The following FZD3 variants were observed in gnomAD, a reference collection of about 807,000 sequenced individuals.
FZD3 encodes frizzled class receptor 3.
Under a neutral mutation model 60.7 loss-of-function variants are expected in FZD3, and 30 were observed. That is an observed-to-expected ratio of 0.49 (90% confidence interval 0.37 to 0.67). The LOEUF (loss-of-function observed/expected upper bound fraction) is 0.67. FZD3 is among the 30% of genes least tolerant of loss of function. The pLI, the probability that FZD3 is intolerant of heterozygous loss-of-function variation, is 0.00. For missense variants in FZD3, 605 were observed against 838.7 expected (o/e 0.72, Z 3.44); for synonymous variants, 246 against 275.2 (o/e 0.89, Z 1.05).
At chr8:28,551,459 T>G in intron 5 of FZD3, 144 bp from the exon 6 acceptor site, 1 of 586,416 alleles carries the variant, frequency 1.7e-6, no homozygotes, top group South Asian at 2.0e-5. Flanking sequence ...GAGGTTGCAG[T>G]GAGCCAAGAT....
rs372295263 is a variant in FZD3 at position 28,563,271 on chromosome 8, G to A, written c.*260G>A. The A allele has an allele frequency of 5.1e-5, 21 of 408,344 alleles. No homozygotes were observed. Among genetic ancestry groups the A allele is most frequent in the African/African-American group, 2.8e-4 (14 of 49,518 alleles). The allele number at this position is 408,344 out of a possible 1,614,324, so 25.3% of individuals were successfully genotyped here. Reference sequence around the variant, plus strand: ...GAAGAGATAATTATTTGTCTGGTAAGCATTTTTATAAACCCACTCATTTTA... The same window carrying A: ...GAAGAGATAATTATTTGTCTGGTAAACATTTTTATAAACCCACTCATTTTA... On this transcript the variant is annotated 3_prime_UTR_variant, in exon 8 of 8. Transcript: ENST00000240093.
chr8:28,569,542 T>C lies in FZD3; in HGVS notation c.*6531T>C, dbSNP rs1352016718. 5 of 152,282 alleles carry C rather than the reference T, an allele frequency of 3.3e-5. No homozygotes were observed. The highest frequency in any genetic ancestry group is 3.3e-4 in the Admixed American group (5 of 15,292). 9.4% of individuals were successfully genotyped at this position (152,282 alleles called of 1,614,324 possible). ...ATTATTTTGGTCTCATTTTTATTCTTCTTATTCATCCCATGAACTAGATCA... is the reference window on the plus strand; with the variant it reads ...ATTATTTTGGTCTCATTTTTATTCTCCTTATTCATCCCATGAACTAGATCA... On this transcript the variant is annotated 3_prime_UTR_variant, in exon 8 of 8. Coordinates refer to ENST00000240093, the MANE Select transcript of FZD3 (RefSeq NM_017412.4).
At chr8:28,526,266 T>C (rs971092379) in intron 4 of FZD3, among the ~76,000 whole-genome samples, 1 of 152,180 alleles carries the variant, frequency 6.6e-6, no homozygotes, top group African/African-American at 2.4e-5. Flanking sequence ...CCACAAGTCA[T>C]GCATACTTTA....
intron 5 of FZD3, among the ~76,000 whole-genome samples, chr8:28,529,371 A>G (rs1201314593): frequency 3.9e-5 from 6 of 152,168 alleles, no homozygotes; most frequent in Admixed American, 3.9e-4. Context: ...AAATACCTTT[A>G]TTGACGTACT....
At chr8:28,537,079 CA>C (rs1805035680) in intron 5 of FZD3, among the ~76,000 whole-genome samples, 1 of 152,020 alleles carries the variant, frequency 6.6e-6, no homozygotes, top group Non-Finnish European at 1.5e-5. Context: ...TTCCTAGGGC[CA>C]AACCTCAAAA....
intron 5 of FZD3, among the ~76,000 whole-genome samples, chr8:28,528,974 G>T (rs1804791291): frequency 6.6e-6 from 1 of 152,028 alleles, no homozygotes; most frequent in South Asian, 2.1e-4. Context: ...GAATGCAGTG[G>T]CATGATCATA....
intron 3 of FZD3, among the ~76,000 whole-genome samples, chr8:28,517,997 C>T (rs1023763042): frequency 2.0e-5 from 3 of 152,014 alleles, no homozygotes; most frequent in African/African-American, 7.3e-5. Flanking sequence ...AAAGATTAAT[C>T]CTCTTTTCTG....
intron 5 of FZD3, among the ~76,000 whole-genome samples, chr8:28,550,479 A>ATTTTT (rs1805385873): frequency 1.7e-5 from 1 of 59,164 alleles, no homozygotes; most frequent in African/African-American, 7.0e-5. Context: ...TTCTTCTTTT[A>ATTTTT]TCTTTTTTTT....
intron 4 of FZD3, among the ~76,000 whole-genome samples, chr8:28,524,515 A>T (rs1285384735): frequency 1.3e-5 from 2 of 152,172 alleles, no homozygotes; most frequent in African/African-American, 4.8e-5. Context: ...CTTCAACCTC[A>T]GCCTGTCCTT....
At chr8:28,551,258 G>A (rs930800594) in intron 5 of FZD3, among the ~76,000 whole-genome samples, 6 of 152,166 alleles carry the variant, frequency 3.9e-5, no homozygotes, top group South Asian at 2.1e-4. Context: ...TGGGCCAGGC[G>A]CAGTGGCTCA....
chr8:28,515,606 ACGCATTCCTTCCTTAC>A (rs1407236517), intron 3 of FZD3, among the ~76,000 whole-genome samples: 1 of 152,192 alleles, frequency 6.6e-6, no homozygotes, highest in African/African-American at 2.4e-5. Flanking sequence ...TGCTCACTTG[ACGCATTCCTTCCTTAC>A]CAGTCTAGCC....
chr8:28,495,311 ACT>A (rs1403101943), intron 1 of FZD3, among the ~76,000 whole-genome samples: 1 of 151,406 alleles, frequency 6.6e-6, no homozygotes, highest in Non-Finnish European at 1.5e-5. Flanking sequence ...GTGTAGAATG[ACT>A]CTTTGAATTT....
chr8:28,549,741 A>G (rs1222332434), intron 5 of FZD3, among the ~76,000 whole-genome samples: 2 of 151,952 alleles, frequency 1.3e-5, no homozygotes, highest in Non-Finnish European at 2.9e-5. Flanking sequence ...TAAGTACTTC[A>G]TCATCTATCT....
At chr8:28,536,757 T>C (rs1414606573) in intron 5 of FZD3, among the ~76,000 whole-genome samples, 1 of 152,212 alleles carries the variant, frequency 6.6e-6, no homozygotes, top group Non-Finnish European at 1.5e-5. Context: ...ATTTCTGTTC[T>C]TCTGAGCACA....
In FZD3 at chr8:28,570,003, A is replaced by T. The variant is rs1805776085; in HGVS notation, c.*6992A>T. ...GAAATTTCAGAGGAGTTGATTGAAA[A>T]TTTTTTGTTCAGTAATTATTCTTAA... On this transcript the variant is annotated 3_prime_UTR_variant, in exon 8 of 8. Coordinates refer to ENST00000240093, the MANE Select transcript of FZD3 (RefSeq NM_017412.4). The T allele has an allele frequency of 6.6e-6, 1 of 152,206 alleles. No individual in the cohort carries two copies. Among genetic ancestry groups the T allele is most frequent in the South Asian group, 2.1e-4 (1 of 4,830 alleles). The allele number at this position is 152,206 out of a possible 1,614,324, so 9.4% of individuals were successfully genotyped here. A position where few individuals can be genotyped will look rare whatever the true frequency, so the allele number is the denominator to read the frequency against.
chr8:28,536,088 C>T (rs1347702500), intron 5 of FZD3, among the ~76,000 whole-genome samples: 3 of 152,162 alleles, frequency 2.0e-5, no homozygotes, highest in Non-Finnish European at 4.4e-5. Context: ...TACCGGAGTG[C>T]TTTGCACAAA....
In FZD3 at chr8:28,562,907, T is replaced by C. The variant is rs747225121; in HGVS notation, c.1897T>C (p.Ser633Pro). The change falls in exon 8 of 8, where the codon TCA becomes CCA. Residue 633 changes from serine to proline, a missense_variant. Coordinates refer to ENST00000240093, the MANE Select transcript of FZD3 (RefSeq NM_017412.4). Reference sequence around the variant, plus strand: ...TAGTTCTCATCGGCTCAATGAACAGTCACGACATAGCAGCATCAGAGATCT... The same window carrying C: ...TAGTTCTCATCGGCTCAATGAACAGCCACGACATAGCAGCATCAGAGATCT... ...HSSSHRLNEQ[S>P]RHSSIRDLSN... 7 of 1,612,966 alleles carry C rather than the reference T, an allele frequency of 4.3e-6. No individual in the cohort carries two copies. The highest frequency in any genetic ancestry group is 5.9e-6 in the Non-Finnish European group (7 of 1,179,054).
At chr8:28,514,201 C>G (rs552587341) in intron 3 of FZD3, among the ~76,000 whole-genome samples, 29 of 152,224 alleles carry the variant, frequency 1.9e-4, no homozygotes, top group Middle Eastern at 6.8e-3. Flanking sequence ...AGTTCCTTTT[C>G]TAGACTTCAT....
intron 5 of FZD3, chr8:28,530,310 C>G (rs964750242): frequency 6.6e-6 from 1 of 152,036 alleles, no homozygotes; most frequent in South Asian, 2.1e-4. Flanking sequence ...AACTTCACCT[C>G]CCTCTGCTTC....
Sources: gnomAD v4.1 joint callset for allele counts (sites outside exome capture counted in the v4.1 genomes callset) on GRCh38, gnomAD v4.1.1 for gene constraint, MANE v1.5 for transcripts, NCBI Gene and HGNC (gene_info 2026-07-23, HGNC 2026-07-21) for gene names.